INPP4B: variants seen among roughly 807,000 people sequenced by gnomAD.
INPP4B encodes inositol polyphosphate-4-phosphatase type II B, also known as inositol polyphosphate 4-phosphatase type II.
Under a neutral mutation model 122.5 loss-of-function variants are expected in INPP4B, and 55 were observed. The ratio of observed to expected loss-of-function variants is 0.45; its 90% CI spans 0.36 to 0.56. The LOEUF (loss-of-function observed/expected upper bound fraction) is 0.56, where lower values mean the gene tolerates loss of function less well. INPP4B is among the 20% of genes least tolerant of loss of function. The pLI is 0.00. For missense variants in INPP4B, 1,000 were observed against 1,097.7 expected (o/e 0.91, Z 1.26); for synonymous variants, 403 against 388.7 (o/e 1.04, Z -0.43).
intron 1 of INPP4B, among the ~76,000 whole-genome samples, chr4:142,757,316 A>T (rs1407792383): frequency 6.6e-6 from 1 of 152,098 alleles, no homozygotes; most frequent in Non-Finnish European, 1.5e-5. Context: ...ATAGCTTACT[A>T]TGGGTTTGTT....
Position 142,305,604 on chromosome 4 carries a change from TCAAA to T in INPP4B, c.424-71_424-68del, listed in dbSNP as rs1763052774. The T allele has an allele frequency of 7.8e-6, 12 of 1,535,296 alleles. No individual in the cohort carries two copies. In the Admixed American group the frequency reaches 2.2e-4, roughly 29 times the overall value. Reference sequence around the variant, plus strand: ...TTTAATATTTTTGCTGTCACATCAATCAAACAAAATGAGTCTTTAGAAGAATGAA... The same window carrying T: ...TTTAATATTTTTGCTGTCACATCAATCAAAATGAGTCTTTAGAAGAATGAA... On this transcript the variant is annotated intron_variant, in intron 8 of 25. Coordinates refer to ENST00000262992, the MANE Select transcript of INPP4B (RefSeq NM_001101669.3).
intron 7 of INPP4B, among the ~76,000 whole-genome samples, chr4:142,325,867 C>T (rs1230472044): frequency 6.6e-6 from 1 of 152,170 alleles, no homozygotes; most frequent in African/African-American, 2.4e-5. Context: ...CTGAGTATCC[C>T]TGCCATTACC....
At chr4:142,196,258 TG>T (rs1401759627) in intron 14 of INPP4B, among the ~76,000 whole-genome samples, 1 of 152,216 alleles carries the variant, frequency 6.6e-6, no homozygotes, top group Non-Finnish European at 1.5e-5. Context: ...TCCCTTTTAG[TG>T]TTTTCACACC....
intron 25 of INPP4B, among the ~76,000 whole-genome samples, chr4:142,046,295 G>A (rs1022904698): frequency 1.3e-5 from 2 of 152,074 alleles, no homozygotes; most frequent in East Asian, 1.9e-4. Flanking sequence ...GAGCATATAC[G>A]ATGCTTTAGA....
intron 1 of INPP4B, among the ~76,000 whole-genome samples, chr4:142,793,828 A>C (rs1580931645): frequency 6.6e-6 from 1 of 152,096 alleles, no homozygotes; most frequent in East Asian, 1.9e-4. Flanking sequence ...AAAAATCCAC[A>C]AAGTAGTTAA....
chr4:142,176,668 G>A (rs1828436882), intron 15 of INPP4B, among the ~76,000 whole-genome samples: 1 of 152,030 alleles, frequency 6.6e-6, no homozygotes, highest in South Asian at 2.1e-4. Context: ...TGAGGACAGG[G>A]CCTCAATGTT....
chr4:142,502,395 C>T (rs965042296), intron 2 of INPP4B, among the ~76,000 whole-genome samples: 1 of 152,130 alleles, frequency 6.6e-6, no homozygotes, highest in African/African-American at 2.4e-5. Context: ...GATGTCCCAC[C>T]CTTTTGGGCC....
chr4:142,804,823 C>G (rs192214446), intron 1 of INPP4B, among the ~76,000 whole-genome samples: 11 of 152,232 alleles, frequency 7.2e-5, no homozygotes, highest in Admixed American at 3.9e-4. Context: ...TGTGCCACCA[C>G]GTCCAGCTAA....
At chr4:142,545,813 ACATGTGTG>A (rs796740299) in intron 2 of INPP4B, among the ~76,000 whole-genome samples, 4,843 of 69,810 alleles carry the variant, frequency 0.069, 525 homozygotes, top group East Asian at 0.46. Context: ...ATACACATAT[ACATGTGTG>A]TATATATATA....
intron 2 of INPP4B, among the ~76,000 whole-genome samples, chr4:142,479,846 C>T (rs1820287439): frequency 6.6e-6 from 1 of 152,004 alleles, no homozygotes; most frequent in Non-Finnish European, 1.5e-5. Context: ...TGATAAACCA[C>T]CTATCAGGTA....
At chr4:142,271,350 A>C (rs527729051) in intron 9 of INPP4B, among the ~76,000 whole-genome samples, 1 of 152,226 alleles carries the variant, frequency 6.6e-6, no homozygotes, top group Non-Finnish European at 1.5e-5. Context: ...AGGTGCCCTC[A>C]AGGAAAGAAC....
At chr4:142,350,160 G>A (rs946601727) in intron 7 of INPP4B, among the ~76,000 whole-genome samples, 2 of 151,972 alleles carry the variant, frequency 1.3e-5, no homozygotes, top group South Asian at 2.1e-4. Flanking sequence ...ATTAAGAACA[G>A]TCTGCACTAT....
At chr4:142,781,184 T>A (rs1419462542) in intron 1 of INPP4B, among the ~76,000 whole-genome samples, 1 of 148,430 alleles carries the variant, frequency 6.7e-6, no homozygotes, top group African/African-American at 2.4e-5. Context: ...TAGAGATTTA[T>A]CCTATGAGGA....
At chr4:142,463,400 G>A (rs1384289457) in intron 2 of INPP4B, among the ~76,000 whole-genome samples, 1 of 152,168 alleles carries the variant, frequency 6.6e-6, no homozygotes, top group African/African-American at 2.4e-5. Flanking sequence ...CACTTCATGG[G>A]TTATACATCA....
At chr4:142,574,149 G>C (rs1733380598) in intron 2 of INPP4B, among the ~76,000 whole-genome samples, 1 of 152,020 alleles carries the variant, frequency 6.6e-6, no homozygotes, top group East Asian at 1.9e-4. Context: ...ACAAAATTTG[G>C]ACTCACCATT....
chr4:142,407,912 A>G (rs1803777771), intron 5 of INPP4B, among the ~76,000 whole-genome samples: 1 of 152,190 alleles, frequency 6.6e-6, no homozygotes, highest in Non-Finnish European at 1.5e-5. Flanking sequence ...AAGTTTACTA[A>G]TATCATACTA....
At chr4:142,127,229 G>C (rs1377875899) in intron 18 of INPP4B, among the ~76,000 whole-genome samples, 1 of 152,054 alleles carries the variant, frequency 6.6e-6, no homozygotes, top group East Asian at 1.9e-4. Flanking sequence ...GAATCAACTG[G>C]TCAATACTTT....
At chr4:142,316,399 G>T (rs763195704) in intron 7 of INPP4B, among the ~76,000 whole-genome samples, 15 of 152,102 alleles carry the variant, frequency 9.9e-5, no homozygotes, top group Non-Finnish European at 1.9e-4. Context: ...AAATAGTGGT[G>T]GTGGACAATG....
At chr4:142,691,213 G>A (rs1351435306) in intron 2 of INPP4B, among the ~76,000 whole-genome samples, 3 of 152,076 alleles carry the variant, frequency 2.0e-5, no homozygotes, top group Non-Finnish European at 2.9e-5. Context: ...TAAAAGCCCA[G>A]TGAGAAAACT....
Sources: allele counts gnomAD v4.1 joint callset (sites outside exome capture counted in the v4.1 genomes callset), GRCh38; gene constraint gnomAD v4.1.1; transcripts MANE v1.5; gene names NCBI Gene and HGNC (gene_info 2026-07-23, HGNC 2026-07-21).